The following NPFFR2 variants were observed in gnomAD, a reference collection of about 807,000 sequenced individuals.
NPFFR2 encodes the protein G-protein coupled receptor 74.
A neutral mutation model predicts 13.1 loss-of-function variants in NPFFR2; 15 were observed. The observed-to-expected ratio is 1.15, with a 90% CI of 0.77 to 1.76. NPFFR2 has a LOEUF of 1.76. NPFFR2 is among the 40% of genes most tolerant of loss of function. The pLI, the probability that NPFFR2 is intolerant of heterozygous loss-of-function variation, is 0.00. For synonymous variants in NPFFR2, 190 were observed against 175.7 expected, an observed-to-expected ratio of 1.08 and a Z score of -0.65; for missense variants, 572 against 503.5, an observed-to-expected ratio of 1.14 and a Z score of -1.30.
chr4:72,118,744 G>A (rs1027223911), intron 1 of NPFFR2, among the ~76,000 whole-genome samples: 4 of 152,048 alleles, frequency 2.6e-5, no homozygotes, highest in African/African-American at 7.2e-5. Context: ...ACCAATTATT[G>A]GTTCAACCAT....
intron 1 of NPFFR2, among the ~76,000 whole-genome samples, chr4:72,062,650 G>T (rs1405318806): frequency 6.6e-6 from 1 of 152,068 alleles, no homozygotes; most frequent in Non-Finnish European, 1.5e-5. Context: ...GGCTGCACAT[G>T]TGACTTTTTT....
chr4:72,131,443 T>C (rs1722237645), intron 2 of NPFFR2, among the ~76,000 whole-genome samples: 2 of 107,758 alleles, frequency 1.9e-5, no homozygotes, highest in African/African-American at 7.4e-5. Flanking sequence ...CTGGGGACTG[T>C]TGTGGGGTGG....
intron 1 of NPFFR2, among the ~76,000 whole-genome samples, chr4:72,063,674 A>G (rs1719987429): frequency 6.6e-6 from 1 of 152,206 alleles, no homozygotes; most frequent in South Asian, 2.1e-4. Flanking sequence ...ATTTCCAGTC[A>G]GCCCACTTTA....
At chr4:72,075,522 A>AGG (rs1720399469) in intron 1 of NPFFR2, among the ~76,000 whole-genome samples, 1 of 152,138 alleles carries the variant, frequency 6.6e-6, no homozygotes, top group Non-Finnish European at 1.5e-5. Context: ...AATGGAGAGA[A>AGG]CCACCAGACA....
intron 1 of NPFFR2, among the ~76,000 whole-genome samples, chr4:72,117,054 G>A (rs777963621): frequency 2.6e-5 from 4 of 152,132 alleles, no homozygotes; most frequent in Non-Finnish European, 5.9e-5. Flanking sequence ...GAAGTGGTCA[G>A]ACACCTGGCA....
chr4:72,141,239 T>G (rs1722612487), intron 3 of NPFFR2, among the ~76,000 whole-genome samples: 1 of 152,078 alleles, frequency 6.6e-6, no homozygotes, highest in African/African-American at 2.4e-5. Context: ...TTTTTAAGGG[T>G]TTTTTGTGTC....
At chr4:72,127,129 C>T (rs1267896012) in intron 1 of NPFFR2, among the ~76,000 whole-genome samples, 4 of 150,692 alleles carry the variant, frequency 2.7e-5, no homozygotes, top group Admixed American at 6.6e-5. Flanking sequence ...AGTGAAACCC[C>T]GTCTCTACTA....
At chr4:72,117,585 C>T (rs1362594981) in intron 1 of NPFFR2, among the ~76,000 whole-genome samples, 1 of 149,546 alleles carries the variant, frequency 6.7e-6, no homozygotes, top group East Asian at 1.9e-4. Flanking sequence ...AAAGCTGCGA[C>T]ATGGTCTACT....
At chr4:72,106,804 C>G in intron 1 of NPFFR2, among the ~76,000 whole-genome samples, 1 of 151,892 alleles carries the variant, frequency 6.6e-6, no homozygotes, top group East Asian at 1.9e-4. Context: ...CATTACTATA[C>G]CATTTTTATT....
intron 1 of NPFFR2, among the ~76,000 whole-genome samples, chr4:72,053,539 T>A (rs1215735779): frequency 6.6e-6 from 1 of 152,014 alleles, no homozygotes; most frequent in Non-Finnish European, 1.5e-5. Flanking sequence ...CCATGTATTT[T>A]GTTTTTTTAT....
chr4:72,143,482 T>C (rs1369765371), intron 3 of NPFFR2, among the ~76,000 whole-genome samples: 1 of 152,208 alleles, frequency 6.6e-6, no homozygotes, highest in Non-Finnish European at 1.5e-5. Flanking sequence ...CTTCTTGTTC[T>C]ATTCAGGCCC....
intron 1 of NPFFR2, among the ~76,000 whole-genome samples, chr4:72,055,027 A>G (rs902577965): frequency 6.6e-6 from 1 of 151,944 alleles, no homozygotes; most frequent in Non-Finnish European, 1.5e-5. Context: ...ACATATACAC[A>G]CAGTATAAAA....
chr4:72,093,954 G>A (rs1040294961), intron 1 of NPFFR2, among the ~76,000 whole-genome samples: 7 of 151,796 alleles, frequency 4.6e-5, no homozygotes, highest in African/African-American at 1.7e-4. Flanking sequence ...TTCTCATTTG[G>A]GCAGACTATG....
At chr4:72,038,393 A>G (rs566359274) in intron 1 of NPFFR2, among the ~76,000 whole-genome samples, 1 of 152,178 alleles carries the variant, frequency 6.6e-6, no homozygotes, top group East Asian at 1.9e-4. Context: ...CCTAGAACAG[A>G]GTCTAGTGCA....
intron 1 of NPFFR2, among the ~76,000 whole-genome samples, chr4:72,034,728 G>T (rs1719000959): frequency 1.3e-5 from 2 of 152,028 alleles, no homozygotes; most frequent in East Asian, 3.9e-4. Flanking sequence ...CCAGCTTTTT[G>T]GATAAGTTGG....
At chr4:72,096,647 G>T (rs1338471226) in intron 1 of NPFFR2, among the ~76,000 whole-genome samples, 6 of 151,944 alleles carry the variant, frequency 3.9e-5, no homozygotes, top group Non-Finnish European at 7.4e-5. Flanking sequence ...AGAAATGTAT[G>T]ATTTTAATGA....
rs151016549 is a variant in NPFFR2 at position 72,088,034 on chromosome 4, C to A, written c.-7-40551C>A. Among the ~76,000 whole-genome samples, 115 of 152,036 alleles carry A rather than the reference C, an allele frequency of 7.6e-4. 1 individual carries two copies. The East Asian group carries it at 0.02, about 27-fold the overall frequency. Reference sequence around the variant, plus strand: ...TTTAGTGAGAGCCAGAACCTGGGACCAGAAGAGAGACCAAATACCTCTTTT... The same window carrying A: ...TTTAGTGAGAGCCAGAACCTGGGACAAGAAGAGAGACCAAATACCTCTTTT... On this transcript the variant is annotated intron_variant, in intron 1 of 3. Transcript: ENST00000308744.
intron 1 of NPFFR2, among the ~76,000 whole-genome samples, chr4:72,120,508 C>G (rs1487116570): frequency 6.6e-6 from 1 of 152,184 alleles, no homozygotes; most frequent in Non-Finnish European, 1.5e-5. Context: ...CAGGAGAGCT[C>G]TGGCTGGCAT....
chr4:72,089,810 G>GT (rs1339228574), intron 1 of NPFFR2, among the ~76,000 whole-genome samples: 1 of 151,984 alleles, frequency 6.6e-6, no homozygotes, highest in African/African-American at 2.4e-5. Flanking sequence ...CTGTGCAGAA[G>GT]TTTTTTTACT....
Sources: gnomAD v4.1 joint callset for allele counts (sites outside exome capture counted in the v4.1 genomes callset) on GRCh38, gnomAD v4.1.1 for gene constraint, MANE v1.5 for transcripts, NCBI Gene and HGNC (gene_info 2026-07-23, HGNC 2026-07-21) for gene names.